MTMR7: variants seen among roughly 807,000 people sequenced by gnomAD.
The protein encoded by MTMR7 is myotubularin related protein 7.
Under a neutral mutation model 81.2 loss-of-function variants are expected in MTMR7, and 76 were observed. That is an observed-to-expected ratio of 0.94 (90% CI 0.78 to 1.13). The LOEUF (loss-of-function observed/expected upper bound fraction) is 1.13, where lower values mean the gene tolerates loss of function less well. MTMR7 is among the 50% of genes most tolerant of loss of function. The probability of loss-of-function intolerance (pLI) is 0.00; values close to 1 mark genes in which losing one functional copy is unlikely to be tolerated. For missense variants in MTMR7, 1,044 were observed against 820.0 expected (o/e 1.27, Z -3.34); for synonymous variants, 372 against 289.8 (o/e 1.28, Z -2.88).
chr8:17,344,275 C>T (rs929276621), intron 5 of MTMR7, among the ~76,000 whole-genome samples: 5 of 151,986 alleles, frequency 3.3e-5, no homozygotes, highest in Admixed American at 6.6e-5. Context: ...TAATTCAAGC[C>T]CCAATGGGAG....
Position 17,321,991 on chromosome 8 carries a change from A to G in MTMR7, c.866-8590T>C, listed in dbSNP as rs567558667. ...ATACCACTCTTATTTTCTCCTATGCAATTGCTGGTGGGGTCAGTGAGGGTG... is the reference window on the plus strand; with the variant it reads ...ATACCACTCTTATTTTCTCCTATGCGATTGCTGGTGGGGTCAGTGAGGGTG... On this transcript the variant is annotated intron_variant, in intron 7 of 13. Coordinates refer to ENST00000180173, the MANE Select transcript of MTMR7 (RefSeq NM_004686.5). 5.2e-4 allele frequency among the ~76,000 whole-genome samples: 79 copies of G among 152,132 alleles called. 1 individual carries two copies. Among genetic ancestry groups the G allele is most frequent in the African/African-American group, 1.9e-3 (77 of 41,450 alleles).
intron 5 of MTMR7, among the ~76,000 whole-genome samples, chr8:17,348,657 G>C (rs1819636177): frequency 6.6e-6 from 1 of 151,876 alleles, no homozygotes; most frequent in African/African-American, 2.4e-5. Flanking sequence ...TAAGCAAAGA[G>C]ATTCCCAAGG....
intron 1 of MTMR7, among the ~76,000 whole-genome samples, chr8:17,401,224 G>A (rs1419998429): frequency 1.3e-5 from 2 of 152,114 alleles, no homozygotes; most frequent in African/African-American, 4.8e-5. Flanking sequence ...TATATGTGAT[G>A]ATAAATTGGC....
chr8:17,324,586 A>C (rs2150516553), intron 7 of MTMR7, among the ~76,000 whole-genome samples: 1 of 152,368 alleles, frequency 6.6e-6, no homozygotes, highest in South Asian at 2.1e-4. Flanking sequence ...ATACAACACC[A>C]GAGAGGCAAA....
chr8:17,305,966 CAA>C lies in MTMR7; in HGVS notation c.1152-11_1152-10del. 1 of 1,605,348 alleles carries C rather than the reference CAA, an allele frequency of 6.2e-7. No homozygotes were observed. The highest frequency in any genetic ancestry group is 1.3e-5 in the African/African-American group (1 of 74,754). ...CATCTAGATTGCCATATCTATAAAA[CAA>C]AGCATTAGAGACTTTTTAAGGCAGA... On this transcript the variant is annotated splice_polypyrimidine_tract_variant and intron_variant, in intron 10 of 13. Coordinates refer to ENST00000180173, the MANE Select transcript of MTMR7 (RefSeq NM_004686.5).
chr8:17,341,018 T>A (rs1467336992), intron 6 of MTMR7, among the ~76,000 whole-genome samples: 2 of 152,252 alleles, frequency 1.3e-5, no homozygotes, highest in African/African-American at 4.8e-5. Context: ...GTGAATTTTA[T>A]TGTCAGAGCA....
At chr8:17,403,789 C>G (rs1357177212) in intron 1 of MTMR7, among the ~76,000 whole-genome samples, 3 of 151,582 alleles carry the variant, frequency 2.0e-5, no homozygotes, top group Non-Finnish European at 4.4e-5. Flanking sequence ...TCTTTTACTT[C>G]TTAGGTTAAA....
In MTMR7 at chr8:17,299,200, C is replaced by A. The variant is rs377176515; in HGVS notation, c.*662G>T. Reference sequence around the variant, plus strand: ...TCAGTGTTAGAGAAAAAGTGAGATACAAGGTTTAGCATTTTTAAATAATGA... The same window carrying A: ...TCAGTGTTAGAGAAAAAGTGAGATAAAAGGTTTAGCATTTTTAAATAATGA... On this transcript the variant is annotated 3_prime_UTR_variant, in exon 14 of 14. Coordinates refer to ENST00000180173, the MANE Select transcript of MTMR7 (RefSeq NM_004686.5). The A allele has an allele frequency of 6.6e-6, 1 of 152,140 alleles. No individual in the cohort carries two copies. Among genetic ancestry groups the A allele is most frequent in the African/African-American group, 2.4e-5 (1 of 41,416 alleles). 9.4% of individuals were successfully genotyped at this position (152,140 alleles called of 1,614,324 possible).
In MTMR7 at chr8:17,348,956, G is replaced by A. The variant is rs755725314; in HGVS notation, c.594C>T (p.Asn198=). 14 of 1,613,486 alleles carry A rather than the reference G, an allele frequency of 8.7e-6. No individual in the cohort carries two copies. The African/African-American group carries it at 1.2e-4, about 14-fold the overall frequency. The part of the protein sequence containing the change: ...FPVLSYYYKD[N]HASICRSSQP... The stretch of plus-strand genomic sequence containing the variant: ...AAAAACACGCCTCGAGACTTACGTG[G>A]TTATCTTTATAATAGTAAGAAAGGA... Residue 198 remains asparagine, a synonymous_variant, in exon 5 of 14, where the codon AAC becomes AAT. Transcript: ENST00000180173.
At chr8:17,373,994 A>G (rs989708921) in intron 1 of MTMR7, among the ~76,000 whole-genome samples, 13 of 152,312 alleles carry the variant, frequency 8.5e-5, no homozygotes, top group South Asian at 2.1e-4. Context: ...AACTGAAGCA[A>G]TGGTAATTCT....
rs1348409546 is a variant in MTMR7, at chr8:17,298,347, C to G, written c.*1515G>C. The stretch of plus-strand genomic sequence containing the variant: ...ATTCTGAAAGAATTAATTACACTTG[C>G]TTTATTTTTTACATTAACAGTACTT... On this transcript the variant is annotated 3_prime_UTR_variant, in exon 14 of 14. Transcript: ENST00000180173. 1 of 151,996 alleles carries G rather than the reference C, an allele frequency of 6.6e-6. No homozygotes were observed. The highest frequency in any genetic ancestry group is 1.5e-5 in the Non-Finnish European group (1 of 67,934). The allele number at this position is 151,996 out of a possible 1,614,324, so 9.4% of individuals were successfully genotyped here. A position where few individuals can be genotyped will look rare whatever the true frequency, so the allele number is the denominator to read the frequency against.
At chr8:17,365,202 A>G (rs2150560457) in intron 3 of MTMR7, among the ~76,000 whole-genome samples, 1 of 152,262 alleles carries the variant, frequency 6.6e-6, no homozygotes, top group South Asian at 2.1e-4. Flanking sequence ...TCTGTTAGCC[A>G]TCTATGTCTT....
intron 1 of MTMR7, among the ~76,000 whole-genome samples, chr8:17,375,348 G>A (rs903795401): frequency 8.5e-5 from 13 of 152,074 alleles, no homozygotes; most frequent in Non-Finnish European, 1.8e-4. Context: ...GGTCAATAAA[G>A]AATTAGGTAT....
intron 1 of MTMR7, among the ~76,000 whole-genome samples, chr8:17,412,402 G>A (rs1157996012): frequency 6.6e-6 from 1 of 152,188 alleles, no homozygotes; most frequent in Non-Finnish European, 1.5e-5. Flanking sequence ...TGTGGTGGTA[G>A]TAACAACAGA....
chr8:17,328,891 T>C (rs1240581798), intron 7 of MTMR7, among the ~76,000 whole-genome samples: 2 of 152,122 alleles, frequency 1.3e-5, no homozygotes, highest in Non-Finnish European at 2.9e-5. Context: ...CCCACAAAAA[T>C]AGTTTGGTTG....
chr8:17,382,040 A>T (rs1034964283), intron 1 of MTMR7, among the ~76,000 whole-genome samples: 1 of 152,198 alleles, frequency 6.6e-6, no homozygotes, highest in Non-Finnish European at 1.5e-5. Context: ...ACTACCTACG[A>T]GGATACAAAA....
chr8:17,321,297 G>C (rs1464968844), intron 7 of MTMR7, among the ~76,000 whole-genome samples: 5 of 152,258 alleles, frequency 3.3e-5, no homozygotes, highest in Non-Finnish European at 7.3e-5. Context: ...TCCTGCCAGA[G>C]AGAATGTCCC....
chr8:17,336,601 C>T (rs891127967), intron 6 of MTMR7, among the ~76,000 whole-genome samples: 8 of 152,200 alleles, frequency 5.3e-5, no homozygotes, highest in Admixed American at 3.9e-4. Context: ...ACGTGACATC[C>T]TGTTACACAA....
At chr8:17,367,295 G>A (rs946299527) in intron 3 of MTMR7, among the ~76,000 whole-genome samples, 1 of 152,110 alleles carries the variant, frequency 6.6e-6, no homozygotes, top group Non-Finnish European at 1.5e-5. Flanking sequence ...AAGTGTTGAA[G>A]TACCCACAAA....
Sources: gnomAD v4.1 joint callset for allele counts (sites outside exome capture counted in the v4.1 genomes callset) on GRCh38, gnomAD v4.1.1 for gene constraint, MANE v1.5 for transcripts, NCBI Gene and HGNC (gene_info 2026-07-23, HGNC 2026-07-21) for gene names.